The following FREM1 variants were observed in gnomAD, a reference collection of about 807,000 sequenced individuals.
FREM1 encodes the protein FRAS1-related extracellular matrix protein 1.
FREM1 carries 220 observed loss-of-function variants against 210.1 expected under a neutral mutation model. The ratio of observed to expected loss-of-function variants is 1.05; its 90% confidence interval spans 0.94 to 1.17. The LOEUF (loss-of-function observed/expected upper bound fraction) is 1.17. Ranked by LOEUF, FREM1 falls within the 50% of genes most tolerant of loss-of-function variation. The pLI is 0.00. For missense variants in FREM1, 3,454 were observed against 2,675.5 expected, an observed-to-expected ratio of 1.29 and a Z score of -6.42; for synonymous variants, 1,189 against 980.2, an observed-to-expected ratio of 1.21 and a Z score of -3.98.
At chr9:14,905,411 A>G (rs1817521942) in intron 1 of FREM1, among the ~76,000 whole-genome samples, 1 of 152,200 alleles carries the variant, frequency 6.6e-6, no homozygotes, top group Non-Finnish European at 1.5e-5. Context: ...CCTTGCTACA[A>G]TGGAGCAAAA....
chr9:14,757,677 GATAAT>G (rs1388995560), intron 28 of FREM1, among the ~76,000 whole-genome samples: 2 of 152,230 alleles, frequency 1.3e-5, no homozygotes, highest in Admixed American at 1.3e-4. Flanking sequence ...AGGAATGTGG[GATAAT>G]ATATTTCTGT....
chr9:14,871,969 G>A (rs547658441), intron 1 of FREM1, among the ~76,000 whole-genome samples: 1 of 152,224 alleles, frequency 6.6e-6, no homozygotes, highest in African/African-American at 2.4e-5. Context: ...AGATCAGATA[G>A]ATCTTTGTAG....
intron 28 of FREM1, among the ~76,000 whole-genome samples, chr9:14,758,163 G>A (rs1197040220): frequency 1.3e-5 from 2 of 152,180 alleles, no homozygotes; most frequent in African/African-American, 4.8e-5. Flanking sequence ...AAGCTCTAGT[G>A]TAAGGCTGCA....
rs865812484 is a variant in FREM1 at position 14,860,574 on chromosome 9, T to C, written c.330-1090A>G. Among the ~76,000 whole-genome samples the C allele has an allele frequency of 2.2e-3, 271 of 125,866 alleles. 4 individuals are homozygous for C. Among genetic ancestry groups the C allele is most frequent in the East Asian group, 5.9e-3 (24 of 4,082 alleles). The allele number at this position is 125,866 out of a possible 152,430, so 82.6% of individuals were successfully genotyped here. On this transcript the variant is annotated intron_variant, in intron 3 of 36. Transcript: ENST00000380880. Reference sequence around the variant, plus strand: ...ATATATACACACATATATATACACATATATATACACATATATATACATATA... The same window carrying C: ...ATATATACACACATATATATACACACATATATACACATATATATACATATA...
At chr9:14,857,479 G>T in intron 5 of FREM1, 74 bp downstream of exon 5, 1 of 1,251,370 alleles carries the variant, frequency 8.0e-7, no homozygotes, top group Non-Finnish European at 1.2e-6. Flanking sequence ...ATGGGGGCGA[G>T]CATGAGTAAG....
intron 8 of FREM1, among the ~76,000 whole-genome samples, chr9:14,843,140 GCTCTGT>G (rs1825976103): frequency 6.6e-6 from 1 of 152,214 alleles, no homozygotes. Flanking sequence ...AAAGGGGAAT[GCTCTGT>G]CTCTTCTGGA....
At chr9:14,746,886 C>G (rs780095104) in intron 34 of FREM1, 37 bp downstream of exon 34, 1 of 1,602,904 alleles carries the variant, frequency 6.2e-7, no homozygotes, top group Non-Finnish European at 8.5e-7. Flanking sequence ...GAGCACATTG[C>G]GAATAAAGGT....
In FREM1 at chr9:14,860,694, C is replaced by CACATATATACACATATATAT. The variant is rs1564100378; in HGVS notation, c.330-1211_330-1210insATATATATGTGTATATATGT. On this transcript the variant is annotated intron_variant, in intron 3 of 36. Transcript: ENST00000380880. ...ATACACACATATATACACATATATA[C>CACATATATACACATATATAT]ACACATATATACACACATATATACA... is the stretch of plus-strand genomic sequence containing the variant. 7.4e-4 allele frequency among the ~76,000 whole-genome samples: 69 copies of CACATATATACACATATATAT among 93,654 alleles called. 1 individual carries two copies. The highest frequency in any genetic ancestry group is 2.2e-3 in the African/African-American group (44 of 20,282). 61.4% of individuals were successfully genotyped at this position (93,654 alleles called of 152,430 possible). A position where few individuals can be genotyped will look rare whatever the true frequency, so the allele number is the denominator to read the frequency against.
rs763676738 is a variant in FREM1 at position 14,806,842 on chromosome 9, G to A, written c.3093C>T (p.Pro1031=). ...AGCAGCCCTCATCTACAACAAACAC[G>A]GGACCTGCATACAAATAAAAACACA... ...DNQPPSIAIG[P]VFVVDEGCST... is the part of the protein sequence containing the mutation. Residue 1031 remains proline (P), a synonymous_variant, in exon 18 of 37, where the codon CCC becomes CCT. Coordinates refer to ENST00000380880, the MANE Select transcript of FREM1 (RefSeq NM_001379081.2). 27 of 1,591,022 alleles carry A rather than the reference G, an allele frequency of 1.7e-5. No individual in the cohort carries two copies. In the East Asian group the frequency reaches 1.8e-4, roughly 11 times the overall value.
intron 19 of FREM1, among the ~76,000 whole-genome samples, chr9:14,804,412 C>T (rs1329028770): frequency 2.0e-5 from 3 of 152,074 alleles, no homozygotes; most frequent in Non-Finnish European, 2.9e-5. Context: ...GGTGAAACCC[C>T]GTCTCTAGTG....
chr9:14,859,205 T>C lies in FREM1; in HGVS notation c.609A>G (p.Pro203=). 1 of 1,592,182 alleles carries C rather than the reference T, an allele frequency of 6.3e-7. No homozygotes were observed. The highest frequency in any genetic ancestry group is 8.6e-7 in the Non-Finnish European group (1 of 1,169,184). Residue 203 remains proline (P), a synonymous_variant, in exon 4 of 37, where the codon CCA becomes CCG. Coordinates refer to ENST00000380880, the MANE Select transcript of FREM1 (RefSeq NM_001379081.2). ...TACGGGACTCTGGGAAAAAACTGTG[T>C]GGCTGATCTCCACGAGGTTCTTCTG... ...PRPEEPRGDQ[P]HSFFPESQLR...
At chr9:14,800,026 C>A (rs933239854) in intron 20 of FREM1, among the ~76,000 whole-genome samples, 6 of 146,662 alleles carry the variant, frequency 4.1e-5, no homozygotes, top group African/African-American at 7.6e-5. Flanking sequence ...CAATTCCCAA[C>A]TATGAGTGAG....
At chr9:14,846,875 G>T (rs1415688131) in intron 7 of FREM1, among the ~76,000 whole-genome samples, 1 of 152,158 alleles carries the variant, frequency 6.6e-6, no homozygotes, top group African/African-American at 2.4e-5. Context: ...GCCGCCCCAT[G>T]AGGGTTCCCA....
intron 29 of FREM1, chr9:14,751,612 G>A (rs1451001749): frequency 6.6e-6 from 1 of 151,888 alleles, no homozygotes; most frequent in East Asian, 1.9e-4. Context: ...GTGAGCCCAG[G>A]ATGTGTCACT....
intron 6 of FREM1, 75 bp from the exon 7 acceptor site, chr9:14,848,848 C>G: frequency 1.2e-6 from 1 of 827,154 alleles, no homozygotes; most frequent in Non-Finnish European, 2.0e-6. Flanking sequence ...CTGGGTTATA[C>G]CCACACACAG....
chr9:14,755,341 C>T (rs944211883), intron 29 of FREM1, among the ~76,000 whole-genome samples: 2 of 152,186 alleles, frequency 1.3e-5, no homozygotes, highest in Admixed American at 6.5e-5. Flanking sequence ...TTTCTTTTGC[C>T]TTTGCTCAAC....
chr9:14,798,254 T>C (rs1852816055), intron 20 of FREM1, among the ~76,000 whole-genome samples: 1 of 152,188 alleles, frequency 6.6e-6, no homozygotes, highest in African/African-American at 2.4e-5. Flanking sequence ...CTGAAAACTA[T>C]CTGGATATTT....
rs1826514262 is a variant in FREM1, at chr9:14,845,891, T to C, written c.1393+69A>G. 4 of 1,502,536 alleles carry C rather than the reference T, an allele frequency of 2.7e-6. No homozygotes were observed. The South Asian group carries it at 3.5e-5, about 13-fold the overall frequency. 93.1% of individuals were successfully genotyped at this position (1,502,536 alleles called of 1,614,324 possible). On this transcript the variant is annotated intron_variant, in intron 8 of 36. Coordinates refer to ENST00000380880, the MANE Select transcript of FREM1 (RefSeq NM_001379081.2). Reference sequence around the variant, plus strand: ...GCCCAAGAGATGCTACATATATCTGTTAAATATATCTACTTTTGAAGAAAA... The same window carrying C: ...GCCCAAGAGATGCTACATATATCTGCTAAATATATCTACTTTTGAAGAAAA...
At chr9:14,779,631 C>T (rs1040654797) in intron 24 of FREM1, 2 of 220,964 alleles carry the variant, frequency 9.1e-6, no homozygotes, top group African/African-American at 4.7e-5. Flanking sequence ...CCGCAGTTGT[C>T]TTATGATCCA....
Sources: allele counts gnomAD v4.1 joint callset (sites outside exome capture counted in the v4.1 genomes callset), GRCh38; gene constraint gnomAD v4.1.1; transcripts MANE v1.5; gene names NCBI Gene and HGNC (gene_info 2026-07-23, HGNC 2026-07-21).